The following ZNF565 variants were observed in gnomAD, a reference collection of about 807,000 sequenced individuals.
ZNF565 encodes zinc finger protein 565.
In ZNF565, 27 loss-of-function variants were observed where a neutral mutation model predicts 39.4. The observed-to-expected ratio is 0.69, with a 90% confidence interval of 0.51 to 0.95. ZNF565 has a LOEUF of 0.95. ZNF565 is among the 40% of genes least tolerant of loss of function. ZNF565 has a pLI of 0.00. For synonymous variants in ZNF565, 185 were observed against 216.6 expected (o/e 0.85, Z 1.28); for missense variants, 524 against 621.1 (o/e 0.84, Z 1.66).
intron 1 of ZNF565, among the ~76,000 whole-genome samples, chr19:36,219,922 T>G (rs2145401054): frequency 6.6e-6 from 1 of 152,362 alleles, no homozygotes; most frequent in South Asian, 2.1e-4. Flanking sequence ...CATCAAATTG[T>G]ATCTTTTTTT....
chr19:36,216,588 G>C (rs567278524), upstream of ZNF565, among the ~76,000 whole-genome samples: 1 of 102,482 alleles, frequency 9.8e-6, no homozygotes, highest in East Asian at 3.3e-4. Context: ...AACCTGGGAG[G>C]CGGAGGTTGC....
intron 1 of ZNF565, chr19:36,236,428 A>G (rs754217350): frequency 1.3e-6 from 2 of 1,571,852 alleles, no homozygotes; most frequent in South Asian, 2.4e-5. Context: ...AATGTGGGAA[A>G]GCTTCCATTC....
chr19:36,214,225 T>C (rs1738979905), intron 1 of ZNF565, among the ~76,000 whole-genome samples: 1 of 151,638 alleles, frequency 6.6e-6, no homozygotes, highest in African/African-American at 2.4e-5. Flanking sequence ...GCACAGGCAA[T>C]TGCACACGGC....
At chr19:36,228,753 A>G (rs1977191116) in intron 1 of ZNF565, 1 of 152,272 alleles carries the variant, frequency 6.6e-6, no homozygotes, top group Non-Finnish European at 1.5e-5. Context: ...AATAGTTAAT[A>G]TGATCCTCTG....
intron 3 of ZNF565, chr19:36,194,601 G>C: frequency 4.2e-6 from 2 of 474,108 alleles, no homozygotes; most frequent in Non-Finnish European, 7.6e-6. Context: ...CCTGAATTAT[G>C]TGGAGTAAAT....
intron 4 of ZNF565, among the ~76,000 whole-genome samples, chr19:36,191,310 C>A (rs185405270): frequency 1.6e-4 from 23 of 140,446 alleles, no homozygotes; most frequent in South Asian, 1.4e-3. Flanking sequence ...TACCATTTTT[C>A]TTTCTTTTTT....
At chr19:36,207,542 C>CAA (rs58690929) in intron 1 of ZNF565, among the ~76,000 whole-genome samples, 37 of 145,530 alleles carry the variant, frequency 2.5e-4, no homozygotes, top group South Asian at 6.6e-4. Flanking sequence ...CCATCTCAAA[C>CAA]AAAAAAAAAA....
At chr19:36,241,714 C>T (rs1373016343) in intron 1 of ZNF565, among the ~76,000 whole-genome samples, 1 of 148,606 alleles carries the variant, frequency 6.7e-6, no homozygotes, top group Non-Finnish European at 1.5e-5. Flanking sequence ...ATCGCTTGAA[C>T]CCAGGAGGTG....
At chr19:36,235,389 G>C (rs774870290) in intron 1 of ZNF565, among the ~76,000 whole-genome samples, 17 of 152,204 alleles carry the variant, frequency 1.1e-4, no homozygotes, top group Admixed American at 7.2e-4. Flanking sequence ...GTGGACCCAT[G>C]AATGTTAATT....
Position 36,183,032 on chromosome 19 carries a change from ATTC to A in ZNF565, c.931_933del (p.Glu311del). The A allele has an allele frequency of 1.9e-6, 3 of 1,614,132 alleles. No homozygotes were observed. Among genetic ancestry groups the A allele is most frequent in the Non-Finnish European group, 2.5e-6 (3 of 1,180,038 alleles). The stretch of plus-strand genomic sequence containing the variant: ...GAGTGCTGTCTAAAGGCTTTCCCGC[ATTC>A]TTTACACTCATAGGGTCTGGCCCCT... On this transcript the variant is annotated inframe_deletion, in exon 5 of 5. Transcript: ENST00000304116.
intron 2 of ZNF565, among the ~76,000 whole-genome samples, chr19:36,199,506 CTTTT>C (rs1183093969): frequency 1.6e-5 from 2 of 128,926 alleles, no homozygotes; most frequent in Non-Finnish European, 3.3e-5. Context: ...CTTTCTTTCT[CTTTT>C]TTTTTTTTTT....
chr19:36,217,221 C>T (rs374745259), upstream of ZNF565, among the ~76,000 whole-genome samples: 15 of 151,646 alleles, frequency 9.9e-5, no homozygotes, highest in East Asian at 1.4e-3. Context: ...CCACCACACC[C>T]GGCTACTTTT....
In ZNF565 at chr19:36,183,128, C is replaced by T. The variant is rs757865619; in HGVS notation, c.838G>A (p.Val280Ile). 1.4e-5 allele frequency: 22 copies of T among 1,614,010 alleles called. No individual in the cohort carries two copies. The highest frequency in any genetic ancestry group is 9.9e-5 in the South Asian group (9 of 91,092). Residue 280 changes from valine to isoleucine, a missense_variant, in exon 5 of 5, where the codon GTA (valine) becomes ATA (isoleucine). Transcript: ENST00000304116. Reference sequence around the variant, plus strand: ...AAAGCCTTGCCACAGTCTTTACATACGTAGGGTTTCTCGCCTGTGTGAGTT... The same window carrying T: ...AAAGCCTTGCCACAGTCTTTACATATGTAGGGTTTCTCGCCTGTGTGAGTT... ...QRTHTGEKPYVCKDCGKAFIR... is the reference protein window; with the variant it reads ...QRTHTGEKPYICKDCGKAFIR...
At chr19:36,238,456 ACATCCAC>A (rs1977726699) in intron 1 of ZNF565, 2 of 167,052 alleles carry the variant, frequency 1.2e-5, no homozygotes, top group African/African-American at 4.8e-5. Context: ...TTTTATATAA[ACATCCAC>A]TTCTCTTTCA....
At chr19:36,210,297 G>A (rs112084953) in intron 1 of ZNF565, among the ~76,000 whole-genome samples, 8,117 of 151,092 alleles carry the variant, frequency 0.054, 269 homozygotes, top group Non-Finnish European at 0.069. Context: ...GGTGGTGGGC[G>A]CCTGTAATCC....
At chr19:36,226,065 C>T (rs982183151) in intron 1 of ZNF565, among the ~76,000 whole-genome samples, 7 of 152,162 alleles carry the variant, frequency 4.6e-5, no homozygotes, top group African/African-American at 1.4e-4. Context: ...CCACTGCGTC[C>T]AGCCCACGGT....
intron 1 of ZNF565, among the ~76,000 whole-genome samples, chr19:36,233,143 G>T (rs1977462540): frequency 6.6e-6 from 1 of 152,232 alleles, no homozygotes; most frequent in Admixed American, 6.5e-5. Flanking sequence ...CAGCACTTGG[G>T]AGGCAGATAC....
Position 36,245,479 on chromosome 19 carries a change from C to T in ZNF565, c.52G>A (p.Ala18Thr). The change falls in exon 1 of 5, where the codon GCA (alanine) becomes ACA (threonine). Residue 18 changes from alanine (A) to threonine (T), a missense_variant. Physicochemically the swap from Ala to Thr is moderately conservative, Grantham distance 58. Coordinates refer to the ZNF565 transcript ENST00000355114. This position sits in a 1 kb window ranked among gnomAD's most constrained non-coding sequence, Gnocchi z 4.4. ...CACCGCGCATCTAGGAGGTTACCTGCGTCCAGGCGGTGACTTGCGAGGGAC... is the reference window on the plus strand; with the variant it reads ...CACCGCGCATCTAGGAGGTTACCTGTGTCCAGGCGGTGACTTGCGAGGGAC... 1.4e-6 allele frequency: 1 copy of T among 702,286 alleles called. No homozygotes were observed. Among genetic ancestry groups the T allele is most frequent in the East Asian group, 2.7e-5 (1 of 37,284 alleles). 43.5% of individuals were successfully genotyped at this position (702,286 alleles called of 1,614,324 possible). A position where few individuals can be genotyped will look rare whatever the true frequency, so the allele number is the denominator to read the frequency against.
intron 1 of ZNF565, among the ~76,000 whole-genome samples, chr19:36,239,889 A>G (rs1249076165): frequency 6.6e-6 from 1 of 152,240 alleles, no homozygotes; most frequent in Non-Finnish European, 1.5e-5. Flanking sequence ...TTCTTGAATA[A>G]TGGTGAATGT....
Sources: gnomAD v4.1 joint callset for allele counts (sites outside exome capture counted in the v4.1 genomes callset) on GRCh38, gnomAD v4.1.1 for gene constraint, Gnocchi (gnomAD v3.1) non-coding constraint, MANE v1.5 for transcripts, NCBI Gene and HGNC (gene_info 2026-07-23, HGNC 2026-07-21) for gene names.